Variants in CEP350 observed in about 807,000 individuals in gnomAD.
The protein encoded by CEP350 is centrosomal protein 350.
CEP350 carries 126 observed loss-of-function variants against 331.8 expected under a neutral mutation model. The ratio of observed to expected loss-of-function variants is 0.38; its 90% CI spans 0.33 to 0.44. The LOEUF is 0.44. CEP350 is among the 20% of genes least tolerant of loss of function. CEP350 has a pLI of 1.00. For synonymous variants in CEP350, 1,200 were observed against 1,259.5 expected (o/e 0.95, Z 1.00); for missense variants, 3,406 against 3,634.6 (o/e 0.94, Z 1.62).
chr1:180,041,823 T>C (rs755160221), intron 19 of CEP350, 21 bp downstream of exon 19: 6 of 1,600,354 alleles, frequency 3.7e-6, no homozygotes, highest in Non-Finnish European at 4.3e-6. Context: ...CTGAGAACAC[T>C]TCTCTTTTTA....
intron 15 of CEP350, among the ~76,000 whole-genome samples, chr1:180,033,343 A>G (rs1300044715): frequency 1.3e-5 from 2 of 152,196 alleles, no homozygotes; most frequent in Non-Finnish European, 2.9e-5. Flanking sequence ...AATGAAGTAT[A>G]TTAAGTATTT....
At chr1:180,035,167 C>G (rs1050980151) in intron 16 of CEP350, among the ~76,000 whole-genome samples, 2 of 152,188 alleles carry the variant, frequency 1.3e-5, no homozygotes, top group Non-Finnish European at 2.9e-5. Context: ...CCCTAATACT[C>G]TTCAATTTTG....
chr1:180,022,758 C>T lies in CEP350; in HGVS notation c.3296C>T (p.Thr1099Ile), dbSNP rs373148938. The stretch of plus-strand genomic sequence containing the variant: ...TCACGGCCTTTGAATGCCACCGCAA[C>T]TCCTCTAAGTGGTGTTTCATATGAA... Reference protein sequence around the residue: ...STSRPLNATATPLSGVSYEDD... With the variant: ...STSRPLNATAIPLSGVSYEDD... Residue 1099 changes from threonine to isoleucine, a missense_variant, in exon 13 of 38, where the codon ACT becomes ATT. By Grantham distance (89) the Thr-to-Ile change is moderately conservative. This residue lies in a region of CEP350 where 1,857 missense variants were observed against 1,909.2 expected (regional missense o/e 0.97). Coordinates refer to ENST00000367607, the MANE Select transcript of CEP350 (RefSeq NM_014810.5). 4 of 1,611,132 alleles carry T rather than the reference C, an allele frequency of 2.5e-6. No homozygotes were observed. The African/African-American group carries it at 5.3e-5, about 21-fold the overall frequency.
At chr1:180,001,905 A>G (rs1250038486) in intron 6 of CEP350, among the ~76,000 whole-genome samples, 2 of 152,202 alleles carry the variant, frequency 1.3e-5, no homozygotes, top group Admixed American at 1.3e-4. Flanking sequence ...GTCTTTTTGA[A>G]TGAATGTATA....
chr1:180,029,995 T>C (rs1463892173), intron 14 of CEP350, among the ~76,000 whole-genome samples: 1 of 152,130 alleles, frequency 6.6e-6, no homozygotes, highest in Non-Finnish European at 1.5e-5. Flanking sequence ...TGTCAGAATG[T>C]TCTTCCTTTT....
At chr1:180,051,214 T>C (rs567948883) in intron 22 of CEP350, among the ~76,000 whole-genome samples, 23 of 152,230 alleles carry the variant, frequency 1.5e-4, no homozygotes, top group South Asian at 2.1e-4. Flanking sequence ...GAATAATCTT[T>C]TGATTCATGT....
rs116215056 is a variant in CEP350, at chr1:180,005,172, G to A, written c.1133-1282G>A. On this transcript the variant is annotated intron_variant, in intron 7 of 37. Coordinates refer to ENST00000367607, the MANE Select transcript of CEP350 (RefSeq NM_014810.5). ...TGTTGCTAGTGATTCCCAAAGTAAT[G>A]TCTTTAGCCCACACTTCCCCTCTGA... is the stretch of plus-strand genomic sequence containing the variant. 3.3e-3 allele frequency among the ~76,000 whole-genome samples: 506 copies of A among 151,638 alleles called. 2 individuals carry two copies. The highest frequency in any genetic ancestry group is 0.012 in the African/African-American group (476 of 41,280).
In CEP350 at chr1:179,976,102, G is replaced by A. The variant is rs147920890; in HGVS notation, c.-13-10067G>A. 3.6e-3 allele frequency among the ~76,000 whole-genome samples: 555 copies of A among 152,266 alleles called. 5 individuals are homozygous for A. The highest frequency in any genetic ancestry group is 6.6e-3 in the Non-Finnish European group (448 of 68,014). ...TCCCAAATATTCATAACTTAGTGTT[G>A]TATGCCTGTTGACTGGAAAATTGTA... On this transcript the variant is annotated intron_variant, in intron 1 of 37. Coordinates refer to ENST00000367607, the MANE Select transcript of CEP350 (RefSeq NM_014810.5).
Position 180,053,875 on chromosome 1 carries a change from T to A in CEP350, c.5115T>A (p.Arg1705=). ...AAHQSSLLRL[R]EKALKEKTKA... ...ACCAGTCTTCACTCCTGCGTCTCCG[T>A]GAAAAGGCCTTGAAGGAGAAGACTA... Residue 1705 remains arginine, a synonymous_variant, in exon 24 of 38, where the codon CGT becomes CGA. Coordinates refer to ENST00000367607, the MANE Select transcript of CEP350 (RefSeq NM_014810.5). 6.2e-7 allele frequency: 1 copy of A among 1,611,458 alleles called. No individual in the cohort carries two copies. Among genetic ancestry groups the A allele is most frequent in the South Asian group, 1.1e-5 (1 of 90,644 alleles).
chr1:180,063,881 T>C (rs1658391175), intron 26 of CEP350, among the ~76,000 whole-genome samples: 1 of 152,186 alleles, frequency 6.6e-6, no homozygotes. Flanking sequence ...ATTCCTAATA[T>C]GCTCTGCTTT....
rs2149076201 is a variant in CEP350 at position 180,078,394 on chromosome 1, T to C, written c.5768-69T>C. Reference sequence around the variant, plus strand: ...AGTAATAATATGCTAAAAACAATGTTTATTAGTGTAATTTTCCCATTGACC... The same window carrying C: ...AGTAATAATATGCTAAAAACAATGTCTATTAGTGTAATTTTCCCATTGACC... On this transcript the variant is annotated intron_variant, in intron 28 of 37. Transcript: ENST00000367607. 4.4e-6 allele frequency: 5 copies of C among 1,131,552 alleles called. No homozygotes were observed. The South Asian group carries it at 7.0e-5, about 16-fold the overall frequency. 70.1% of individuals were successfully genotyped at this position (1,131,552 alleles called of 1,614,324 possible).
chr1:180,089,013 T>C (rs1212219518), intron 32 of CEP350, among the ~76,000 whole-genome samples: 1 of 152,242 alleles, frequency 6.6e-6, no homozygotes, highest in African/African-American at 2.4e-5. Context: ...TTTTGTTACA[T>C]ATGTATTTTT....
intron 1 of CEP350, among the ~76,000 whole-genome samples, chr1:179,955,519 G>A (rs188972852): frequency 2.2e-4 from 33 of 152,340 alleles, no homozygotes; most frequent in Non-Finnish European, 1.3e-4. Context: ...CAGTGGCAGG[G>A]ATGATCAGTT....
At chr1:180,074,575 T>C (rs1357827341) in intron 27 of CEP350, among the ~76,000 whole-genome samples, 1 of 152,192 alleles carries the variant, frequency 6.6e-6, no homozygotes, top group Non-Finnish European at 1.5e-5. Context: ...TTTGCTTGCT[T>C]GTTTTGGGGC....
In CEP350 at chr1:180,062,240, A is replaced by G. The variant is rs1658270837; in HGVS notation, c.5283A>G (p.Gln1761=). 18 of 1,609,918 alleles carry G rather than the reference A, an allele frequency of 1.1e-5. No individual in the cohort carries two copies. Among genetic ancestry groups the G allele is most frequent in the Non-Finnish European group, 1.4e-5 (16 of 1,177,856 alleles). Residue 1761 remains glutamine (Q), a synonymous_variant, in exon 26 of 38, where the codon CAA becomes CAG. Transcript: ENST00000367607. Reference sequence around the variant, plus strand: ...CTTAGGCAGAAATAAAACGTCTTCAAGAAGCCAATAAGGCAGCTCGGAAGG... The same window carrying G: ...CTTAGGCAGAAATAAAACGTCTTCAGGAAGCCAATAAGGCAGCTCGGAAGG... ...QQEKAEIKRL[Q]EANKAARKER...
At chr1:180,089,814 G>A (rs35260155) in intron 32 of CEP350, among the ~76,000 whole-genome samples, 25,007 of 152,082 alleles carry the variant, frequency 0.16, 2,722 homozygotes, top group Non-Finnish European at 0.24. Flanking sequence ...GAAATATGAG[G>A]AGGATAAGCA....
intron 10 of CEP350, among the ~76,000 whole-genome samples, chr1:180,014,837 A>C (rs1295020059): frequency 6.6e-6 from 1 of 152,218 alleles, no homozygotes; most frequent in Non-Finnish European, 1.5e-5. Context: ...ACCCCTTTGC[A>C]GTTGAAAATC....
intron 31 of CEP350, among the ~76,000 whole-genome samples, chr1:180,086,571 G>A (rs1322035849): frequency 6.6e-6 from 1 of 150,996 alleles, no homozygotes; most frequent in Non-Finnish European, 1.5e-5. Flanking sequence ...AAAATACATA[G>A]CAGTTCATAT....
At chr1:180,026,880 A>G (rs560780865) in intron 14 of CEP350, among the ~76,000 whole-genome samples, 1 of 152,280 alleles carries the variant, frequency 6.6e-6, no homozygotes, top group South Asian at 2.1e-4. Context: ...GTTGATGGAC[A>G]TTTTGGTATT....
Sources: allele counts gnomAD v4.1 joint callset (sites outside exome capture counted in the v4.1 genomes callset), GRCh38; gene constraint gnomAD v4.1.1; regional missense constraint gnomAD v4.1.1; transcripts MANE v1.5; gene names NCBI Gene and HGNC (gene_info 2026-07-23, HGNC 2026-07-21).